SNTG2: variants seen among roughly 807,000 people sequenced by gnomAD.
SNTG2 encodes the protein gamma-2-syntrophin.
A neutral mutation model predicts 70.9 loss-of-function variants in SNTG2; 74 were observed. The observed-to-expected ratio is 1.04, with a 90% CI of 0.86 to 1.27. The LOEUF (loss-of-function observed/expected upper bound fraction) is 1.27, where lower values mean the gene tolerates loss of function less well. Among genes scored for constraint, SNTG2 ranks in the 50% most tolerant of loss-of-function variants. The probability of loss-of-function intolerance (pLI) is 0.00; values close to 1 mark genes in which losing one functional copy is unlikely to be tolerated. For synonymous variants in SNTG2, 278 were observed against 273.8 expected (o/e 1.02, Z -0.15); for missense variants, 717 against 690.7 (o/e 1.04, Z -0.43).
At chr2:1,118,447 CAG>C (rs748144300) in intron 4 of SNTG2, among the ~76,000 whole-genome samples, 2 of 152,096 alleles carry the variant, frequency 1.3e-5, no homozygotes, top group Non-Finnish European at 2.9e-5. Flanking sequence ...AGAACCTGCA[CAG>C]AGACTATACC....
intron 9 of SNTG2, among the ~76,000 whole-genome samples, chr2:1,217,867 G>C (rs1329502933): frequency 6.6e-6 from 1 of 152,130 alleles, no homozygotes; most frequent in Non-Finnish European, 1.5e-5. Context: ...AAACTTAGCA[G>C]GTAACACAAG....
intron 15 of SNTG2, among the ~76,000 whole-genome samples, chr2:1,309,304 G>A (rs1029271774): frequency 2.0e-5 from 3 of 152,160 alleles, no homozygotes; most frequent in African/African-American, 2.4e-5. Context: ...TTCTGTGTTC[G>A]AGAACCTTTG....
At chr2:1,131,243 T>G (rs1333249895) in intron 4 of SNTG2, among the ~76,000 whole-genome samples, 1 of 152,198 alleles carries the variant, frequency 6.6e-6, no homozygotes, top group Non-Finnish European at 1.5e-5. Flanking sequence ...GTGTTTTGAC[T>G]GACAGTTCTT....
intron 12 of SNTG2, among the ~76,000 whole-genome samples, chr2:1,248,283 C>T (rs1461931435): frequency 1.3e-5 from 2 of 152,288 alleles, no homozygotes; most frequent in East Asian, 3.9e-4. Flanking sequence ...ACATTGAGTG[C>T]AGAGAGCCCC....
chr2:1,024,619 C>T (rs1010363306), intron 1 of SNTG2, among the ~76,000 whole-genome samples: 2 of 152,204 alleles, frequency 1.3e-5, no homozygotes, highest in African/African-American at 4.8e-5. Context: ...AAGCGATTCT[C>T]CCACCTCACC....
intron 11 of SNTG2, among the ~76,000 whole-genome samples, chr2:1,240,226 G>A (rs573243317): frequency 6.6e-6 from 1 of 152,318 alleles, no homozygotes; most frequent in Admixed American, 6.5e-5. Flanking sequence ...TATTGCCAGT[G>A]GGTAGGATCC....
chr2:961,683 C>T (rs534132256), intron 1 of SNTG2, among the ~76,000 whole-genome samples: 4 of 152,122 alleles, frequency 2.6e-5, no homozygotes, highest in East Asian at 3.9e-4. Flanking sequence ...TCAGTTTTTC[C>T]GCTATTCTGA....
chr2:1,365,915 T>G (rs184641752), intron 16 of SNTG2, among the ~76,000 whole-genome samples: 18 of 152,122 alleles, frequency 1.2e-4, no homozygotes, highest in African/African-American at 3.9e-4. Flanking sequence ...AGGGAGGGCT[T>G]TACCCGGTGA....
chr2:1,003,371 A>C (rs116082222), intron 1 of SNTG2, among the ~76,000 whole-genome samples: 1 of 152,340 alleles, frequency 6.6e-6, no homozygotes, highest in African/African-American at 2.4e-5. Context: ...TGCAAAGTGC[A>C]TGTCTGGGTG....
chr2:962,780 A>G (rs1207806002), intron 1 of SNTG2, among the ~76,000 whole-genome samples: 1 of 152,216 alleles, frequency 6.6e-6, no homozygotes, highest in Non-Finnish European at 1.5e-5. Context: ...AGATATGGTG[A>G]GCCCTGTCCT....
intron 9 of SNTG2, among the ~76,000 whole-genome samples, chr2:1,236,950 C>CT (rs34225491): frequency 4.4e-4 from 65 of 148,172 alleles, no homozygotes; most frequent in African/African-American, 1.0e-3. Flanking sequence ...TTCTTTTTTT[C>CT]TTTTTTTTTT....
At chr2:1,010,480 C>G (rs1261740145) in intron 1 of SNTG2, among the ~76,000 whole-genome samples, 1 of 152,164 alleles carries the variant, frequency 6.6e-6, no homozygotes, top group Non-Finnish European at 1.5e-5. Flanking sequence ...CAAAATCACT[C>G]AAGCATTTAT....
chr2:1,297,329 G>A (rs150585378), intron 14 of SNTG2, among the ~76,000 whole-genome samples: 2 of 152,328 alleles, frequency 1.3e-5, no homozygotes, highest in Non-Finnish European at 2.9e-5. Flanking sequence ...ATTTTCAATG[G>A]AGAATGTAAA....
intron 4 of SNTG2, among the ~76,000 whole-genome samples, chr2:1,113,250 T>C (rs778398414): frequency 6.6e-5 from 10 of 151,918 alleles, no homozygotes; most frequent in Non-Finnish European, 1.3e-4. Context: ...GGATGGTGTG[T>C]ACTAAGTGAG....
At chr2:1,348,513 A>T (rs762872947) in intron 16 of SNTG2, among the ~76,000 whole-genome samples, 2 of 152,232 alleles carry the variant, frequency 1.3e-5, no homozygotes, top group African/African-American at 4.8e-5. Flanking sequence ...TATTGATCCC[A>T]GGTCTTTATA....
intron 14 of SNTG2, among the ~76,000 whole-genome samples, chr2:1,300,530 G>A (rs141185351): frequency 1.6e-3 from 246 of 152,242 alleles, no homozygotes; most frequent in African/African-American, 5.3e-3. Context: ...GGGCCGTGCC[G>A]GCCCCTGCTT....
In SNTG2 at chr2:1,136,527, T is replaced by C. The variant is rs960539362; in HGVS notation, c.326-1095T>C. Among the ~76,000 whole-genome samples, 7 of 152,334 alleles carry C rather than the reference T, an allele frequency of 4.6e-5. No homozygotes were observed. The East Asian group carries it at 7.7e-4, about 17-fold the overall frequency. On this transcript the variant is annotated intron_variant, in intron 4 of 16. Transcript: ENST00000308624. ...ATCGGTACCATTACGTACACTGATA[T>C]GAAAACTATAGTTTCAACATGATTT...
rs1660319169 is a variant in SNTG2, at chr2:1,023,635, A to C, written c.73-59883A>C. ...AATTCTTGCCTTTGTGGGCCCACTCAGACCTGCCTGGTCAGCCCTTGCAAG... is the reference window on the plus strand; with the variant it reads ...AATTCTTGCCTTTGTGGGCCCACTCCGACCTGCCTGGTCAGCCCTTGCAAG... On this transcript the variant is annotated intron_variant, in intron 1 of 16. Transcript: ENST00000308624. Among the ~76,000 whole-genome samples, 3 of 152,316 alleles carry C rather than the reference A, an allele frequency of 2.0e-5. 1 individual carries two copies. In the South Asian group the frequency reaches 6.2e-4, roughly 32 times the overall value.
At chr2:1,308,406 C>T in intron 14 of SNTG2, 88 bp from the exon 15 acceptor site, 1 of 1,228,838 alleles carries the variant, frequency 8.1e-7, no homozygotes, top group East Asian at 2.6e-5. Flanking sequence ...TAATTTTTGA[C>T]CAAAGGGGGG....
Sources: gnomAD v4.1 joint callset for allele counts (sites outside exome capture counted in the v4.1 genomes callset) on GRCh38, gnomAD v4.1.1 for gene constraint, MANE v1.5 for transcripts, NCBI Gene and HGNC (gene_info 2026-07-23, HGNC 2026-07-21) for gene names.